The following CTNNA2 variants were observed in gnomAD, a reference collection of about 807,000 sequenced individuals.
CTNNA2 encodes catenin alpha-2.
CTNNA2 carries 42 observed loss-of-function variants against 101.0 expected under a neutral mutation model. That is an observed-to-expected ratio of 0.42 (90% CI 0.32 to 0.54). The LOEUF (loss-of-function observed/expected upper bound fraction) is 0.54, where lower values mean the gene tolerates loss of function less well. CTNNA2 is among the 20% of genes least tolerant of loss of function. The pLI is 0.14. For missense variants in CTNNA2, 871 were observed against 1,223.1 expected (o/e 0.71, Z 4.29); for synonymous variants, 450 against 456.4 (o/e 0.99, Z 0.18).
intron 12 of CTNNA2, among the ~76,000 whole-genome samples, chr2:80,571,846 C>T (rs1694632952): frequency 6.6e-6 from 1 of 152,086 alleles, no homozygotes; most frequent in Admixed American, 6.6e-5. Flanking sequence ...ACAGAGCTCC[C>T]TTAAAGCAAT....
intron 4 of CTNNA2, among the ~76,000 whole-genome samples, chr2:79,456,859 T>C (rs1670826873): frequency 6.6e-6 from 1 of 152,144 alleles, no homozygotes; most frequent in South Asian, 2.1e-4. Flanking sequence ...TTCAAGTATA[T>C]GTGTTAGACT....
chr2:80,097,417 T>C lies in CTNNA2; in HGVS notation c.1056+187620T>C, dbSNP rs190005903. ...CTTCCCTTTGTGGGTAACCCGACCTTTCTCTCTGGCTGCCCTTAATATTTT... is the reference window on the plus strand; with the variant it reads ...CTTCCCTTTGTGGGTAACCCGACCTCTCTCTCTGGCTGCCCTTAATATTTT... On this transcript the variant is annotated intron_variant, in intron 7 of 18. Coordinates refer to ENST00000402739, the MANE Select transcript of CTNNA2 (RefSeq NM_001282597.3). Among the ~76,000 whole-genome samples the C allele has an allele frequency of 7.2e-3, 1,096 of 152,286 alleles. 10 individuals carry two copies. The highest frequency in any genetic ancestry group is 0.024 in the African/African-American group (1,008 of 41,546).
rs1558570929 is a variant in CTNNA2 at position 80,545,093 on chromosome 2, G to A, written c.1383+19G>A. 1.9e-6 allele frequency: 3 copies of A among 1,612,030 alleles called. No homozygotes were observed. Among genetic ancestry groups the A allele is most frequent in the African/African-American group, 2.7e-5 (2 of 74,996 alleles). ...TCCCCAGGTAAGCCTCATTCACTTT[G>A]TTTCAAAAGCCTGTCAGTGACCTTC... On this transcript the variant is annotated intron_variant, in intron 10 of 18. Coordinates refer to ENST00000402739, the MANE Select transcript of CTNNA2 (RefSeq NM_001282597.3).
chr2:79,847,340 C>T (rs1384963362), intron 3 of CTNNA2, among the ~76,000 whole-genome samples: 3 of 151,652 alleles, frequency 2.0e-5, no homozygotes, highest in Non-Finnish European at 2.9e-5. Context: ...GTCAGGAGTT[C>T]GAGACCAGCT....
chr2:79,588,764 T>C (rs1337010643), intron 1 of CTNNA2, among the ~76,000 whole-genome samples: 1 of 152,128 alleles, frequency 6.6e-6, no homozygotes, highest in East Asian at 1.9e-4. Flanking sequence ...TTCCAAGACT[T>C]GAAGCCTCTT....
intron 7 of CTNNA2, among the ~76,000 whole-genome samples, chr2:80,380,527 C>G (rs866810465): frequency 1.3e-5 from 2 of 152,088 alleles, no homozygotes; most frequent in South Asian, 4.2e-4. Flanking sequence ...CACTTATAGC[C>G]GAAGACTTTG....
chr2:80,368,865 G>GTA (rs1393726938), intron 7 of CTNNA2, among the ~76,000 whole-genome samples: 7 of 111,326 alleles, frequency 6.3e-5, no homozygotes, highest in African/African-American at 2.9e-4. Context: ...GTGTGTGTGT[G>GTA]TGTATATATA....
intron 4 of CTNNA2, among the ~76,000 whole-genome samples, chr2:79,441,633 A>T (rs1441837011): frequency 6.6e-6 from 1 of 152,178 alleles, no homozygotes; most frequent in African/African-American, 2.4e-5. Flanking sequence ...ATAAGCTGCT[A>T]TGCAGTCACC....
intron 9 of CTNNA2, among the ~76,000 whole-genome samples, chr2:80,521,962 A>G (rs1689594519): frequency 6.6e-6 from 1 of 152,198 alleles, no homozygotes; most frequent in Non-Finnish European, 1.5e-5. Flanking sequence ...TTAAATGAAG[A>G]GAGGGAGATC....
intron 7 of CTNNA2, among the ~76,000 whole-genome samples, chr2:80,182,788 A>C (rs1705865446): frequency 6.6e-6 from 1 of 152,198 alleles, no homozygotes; most frequent in Non-Finnish European, 1.5e-5. Flanking sequence ...TTCCAGGCAG[A>C]AGCAGTAGTG....
intron 15 of CTNNA2, chr2:80,601,743 C>T (rs1362783248): frequency 6.6e-6 from 1 of 150,832 alleles, no homozygotes. Context: ...TCCATAATTT[C>T]TAGTGTTTTG....
chr2:80,062,996 CGCCCGGCCAAAGCACTGTG>C (rs754407680), intron 7 of CTNNA2, among the ~76,000 whole-genome samples: 32 of 152,242 alleles, frequency 2.1e-4, no homozygotes, highest in East Asian at 7.7e-4. Context: ...TGAGCCACCG[CGCCCGGCCAAAGCACTGTG>C]GCCCGGCCAA....
chr2:79,917,235 C>A (rs1686314362), intron 7 of CTNNA2, among the ~76,000 whole-genome samples: 1 of 151,894 alleles, frequency 6.6e-6, no homozygotes, highest in Non-Finnish European at 1.5e-5. Context: ...CCACGTCCAG[C>A]TAATTTTTTA....
At chr2:80,294,451 G>C (rs1350747951) in intron 7 of CTNNA2, among the ~76,000 whole-genome samples, 3 of 74,674 alleles carry the variant, frequency 4.0e-5, no homozygotes, top group African/African-American at 9.5e-5. Flanking sequence ...TGACCCCATG[G>C]AGCCCTGACC....
chr2:79,734,434 T>G (rs1019002724), intron 2 of CTNNA2, among the ~76,000 whole-genome samples: 4 of 152,108 alleles, frequency 2.6e-5, no homozygotes, highest in African/African-American at 9.6e-5. Flanking sequence ...AGAGAAAAAT[T>G]AAGTTCTATC....
At chr2:79,802,591 T>C (rs1676250571) in intron 3 of CTNNA2, among the ~76,000 whole-genome samples, 1 of 152,176 alleles carries the variant, frequency 6.6e-6, no homozygotes, top group African/African-American at 2.4e-5. Flanking sequence ...GGAAGGCCTC[T>C]AAAGAAAATG....
At chr2:80,256,403 G>A (rs1672151637) in intron 7 of CTNNA2, among the ~76,000 whole-genome samples, 1 of 152,126 alleles carries the variant, frequency 6.6e-6, no homozygotes, top group Non-Finnish European at 1.5e-5. Context: ...TGAGACAGCT[G>A]CGGCACATCT....
At chr2:79,966,683 C>T (rs111379408) in intron 7 of CTNNA2, among the ~76,000 whole-genome samples, 1,538 of 152,276 alleles carry the variant, frequency 0.01, 28 homozygotes, top group African/African-American at 0.035. Flanking sequence ...TTGTTGTCCT[C>T]GCCACTCCAT....
At chr2:79,881,761 A>C (rs992151789) in intron 6 of CTNNA2, among the ~76,000 whole-genome samples, 1 of 150,690 alleles carries the variant, frequency 6.6e-6, no homozygotes, top group African/African-American at 2.5e-5. Flanking sequence ...TCTTCATTCA[A>C]TTTGCCAGTC....
Sources: allele counts gnomAD v4.1 joint callset (sites outside exome capture counted in the v4.1 genomes callset), GRCh38; gene constraint gnomAD v4.1.1; transcripts MANE v1.5; gene names NCBI Gene and HGNC (gene_info 2026-07-23, HGNC 2026-07-21).